DOCK5: variants seen among roughly 807,000 people sequenced by gnomAD.
DOCK5 encodes dedicator of cytokinesis 5.
DOCK5 carries 142 observed loss-of-function variants against 251.8 expected under a neutral mutation model. The observed-to-expected ratio is 0.56, with a 90% CI of 0.49 to 0.65. The LOEUF is 0.65. Ranked by LOEUF, DOCK5 falls within the 30% of genes least tolerant of loss-of-function variation. DOCK5 has a pLI of 0.00. For missense variants in DOCK5, 2,111 were observed against 2,312.3 expected, an observed-to-expected ratio of 0.91 and a Z score of 1.79; for synonymous variants, 842 against 835.5, an observed-to-expected ratio of 1.01 and a Z score of -0.13.
chr8:25,374,637 C>T lies in DOCK5; in HGVS notation c.3799C>T (p.His1267Tyr). 1.2e-6 allele frequency: 2 copies of T among 1,613,922 alleles called. No individual in the cohort carries two copies. Among genetic ancestry groups the T allele is most frequent in the Non-Finnish European group, 1.7e-6 (2 of 1,179,864 alleles). ...AGAAGCTGCCTACACGCTTCTCTTG[C>T]ACGCTGAGCTTCTGCAGGTGAATGG... ...YTEAAYTLLLHAELLQWSDKP... is the reference protein window; with the variant it reads ...YTEAAYTLLLYAELLQWSDKP... Residue 1267 changes from histidine (H) to tyrosine (Y), a missense_variant, in exon 37 of 52, where the codon CAC becomes TAC. Physicochemically the swap from His to Tyr is moderately conservative, Grantham distance 83. This residue lies in a region of DOCK5 where 1,717 missense variants were observed against 1,892.4 expected (regional missense o/e 0.91). Transcript: ENST00000276440.
intron 40 of DOCK5, among the ~76,000 whole-genome samples, chr8:25,387,741 G>T (rs760693529): frequency 6.6e-6 from 1 of 152,122 alleles, no homozygotes; most frequent in East Asian, 1.9e-4. Context: ...CCGCCCCTGG[G>T]CCTGACTCTT....
intron 1 of DOCK5, among the ~76,000 whole-genome samples, chr8:25,193,589 C>T (rs956041849): frequency 6.7e-5 from 10 of 150,294 alleles, no homozygotes; most frequent in African/African-American, 2.5e-4. Context: ...TGTGCAACCC[C>T]GTCTCTACAA....
At chr8:25,355,966 G>A (rs1420342788) in intron 27 of DOCK5, among the ~76,000 whole-genome samples, 1 of 151,168 alleles carries the variant, frequency 6.6e-6, no homozygotes, top group Non-Finnish European at 1.5e-5. Context: ...GCTGAGGCGG[G>A]CAGATCATGA....
chr8:25,367,716 C>T (rs1800800868), intron 31 of DOCK5, among the ~76,000 whole-genome samples: 1 of 152,142 alleles, frequency 6.6e-6, no homozygotes, highest in South Asian at 2.1e-4. Context: ...AGTATCACTC[C>T]CATTGAGAGT....
At chr8:25,389,779 C>G (rs1801225526) in intron 41 of DOCK5, among the ~76,000 whole-genome samples, 1 of 152,130 alleles carries the variant, frequency 6.6e-6, no homozygotes, top group South Asian at 2.1e-4. Context: ...TTCAAAATAC[C>G]TAGCACAGTG....
chr8:25,354,891 C>T (rs1004388428), intron 27 of DOCK5, among the ~76,000 whole-genome samples: 5 of 152,036 alleles, frequency 3.3e-5, no homozygotes, highest in African/African-American at 9.7e-5. Context: ...AACTTTTTAG[C>T]GTGAAATCAC....
intron 17 of DOCK5, among the ~76,000 whole-genome samples, chr8:25,324,329 A>G (rs931710116): frequency 7.9e-4 from 120 of 152,230 alleles, no homozygotes; most frequent in African/African-American, 2.8e-3. Context: ...TGTGTGGTGG[A>G]TATGGTTTTC....
intron 21 of DOCK5, among the ~76,000 whole-genome samples, chr8:25,335,505 AATAATT>A (rs1222687301): frequency 6.6e-6 from 1 of 151,106 alleles, no homozygotes; most frequent in African/African-American, 2.4e-5. Context: ...TAATAATAAT[AATAATT>A]ATAAGTGACT....
At chr8:25,308,163 C>T (rs1372962020) in intron 11 of DOCK5, among the ~76,000 whole-genome samples, 1 of 152,102 alleles carries the variant, frequency 6.6e-6, no homozygotes, top group Non-Finnish European at 1.5e-5. Flanking sequence ...GTATTTGGTT[C>T]TTTGATCGCC....
chr8:25,296,424 A>G (rs1332514383), intron 6 of DOCK5, 89 bp from the exon 7 acceptor site: 9 of 1,496,406 alleles, frequency 6.0e-6, no homozygotes, highest in Middle Eastern at 2.3e-4. Context: ...CTTTCTAACT[A>G]TGGATCCTCT....
intron 36 of DOCK5, among the ~76,000 whole-genome samples, chr8:25,373,991 A>G (rs59057254): frequency 0.011 from 1,613 of 152,312 alleles, 28 homozygotes; most frequent in African/African-American, 0.036. Flanking sequence ...TGAACATGAA[A>G]CAAACTTGTA....
At chr8:25,333,916 T>C (rs1805740553) in intron 20 of DOCK5, among the ~76,000 whole-genome samples, 180 bp from the exon 21 acceptor site, 1 of 152,154 alleles carries the variant, frequency 6.6e-6, no homozygotes, top group South Asian at 2.1e-4. Flanking sequence ...TAATAGTCTC[T>C]CTATTTATGC....
chr8:25,342,546 G>A (rs1563208499), intron 25 of DOCK5, 39 bp downstream of exon 25: 1 of 1,480,402 alleles, frequency 6.8e-7, no homozygotes, highest in Non-Finnish European at 9.2e-7. Flanking sequence ...AGGTTGCAGT[G>A]AGCTGAGATT....
chr8:25,222,684 T>C (rs146973412), intron 1 of DOCK5, among the ~76,000 whole-genome samples: 3,060 of 152,276 alleles, frequency 0.02, 48 homozygotes, highest in Non-Finnish European at 0.031. Flanking sequence ...TTCCATCTGT[T>C]CCTCGCCTCC....
chr8:25,326,511 C>T (rs1805569407), intron 18 of DOCK5, among the ~76,000 whole-genome samples: 1 of 152,068 alleles, frequency 6.6e-6, no homozygotes, highest in South Asian at 2.1e-4. Flanking sequence ...TCCGTATGTG[C>T]AAGTAAAAGC....
intron 50 of DOCK5, chr8:25,409,283 C>A: frequency 3.5e-6 from 1 of 282,712 alleles, no homozygotes; most frequent in Non-Finnish European, 6.8e-6. Context: ...TAGACCCATT[C>A]CATCTACTGC....
Position 25,366,853 on chromosome 8 carries a change from CAATT to C in DOCK5, c.3124-12_3124-9del, listed in dbSNP as rs1426121409. Reference sequence around the variant, plus strand: ...TATTTTTCATTTCCCTTTACCCACACAATTAATTTTGAACAGCTCTGGAACAATT... The same window carrying C: ...TATTTTTCATTTCCCTTTACCCACACAATTTTGAACAGCTCTGGAACAATT... On this transcript the variant is annotated splice_polypyrimidine_tract_variant and intron_variant, in intron 30 of 51. Transcript: ENST00000276440. The C allele has an allele frequency of 6.2e-7, 1 of 1,602,160 alleles. No homozygotes were observed. Among genetic ancestry groups the C allele is most frequent in the Non-Finnish European group, 8.5e-7 (1 of 1,170,202 alleles).
intron 2 of DOCK5, among the ~76,000 whole-genome samples, chr8:25,251,808 G>A (rs1803277130): frequency 6.6e-6 from 1 of 152,140 alleles, no homozygotes; most frequent in African/African-American, 2.4e-5. Flanking sequence ...GGCCAACATG[G>A]CAAAACCCTG....
intron 39 of DOCK5, among the ~76,000 whole-genome samples, chr8:25,380,913 A>G (rs888228502): frequency 1.3e-5 from 2 of 150,844 alleles, no homozygotes; most frequent in African/African-American, 4.9e-5. Context: ...TGCCCAGTGG[A>G]GGCAGCACCA....
Sources: allele counts gnomAD v4.1 joint callset (sites outside exome capture counted in the v4.1 genomes callset), GRCh38; gene constraint gnomAD v4.1.1; regional missense constraint gnomAD v4.1.1; transcripts MANE v1.5; gene names NCBI Gene and HGNC (gene_info 2026-07-23, HGNC 2026-07-21).